PCTP: variants seen among roughly 807,000 people sequenced by gnomAD.
The protein encoded by PCTP is START domain-containing protein 2.
PCTP carries 27 observed loss-of-function variants against 31.0 expected under a neutral mutation model. The ratio of observed to expected loss-of-function variants is 0.87; its 90% CI spans 0.64 to 1.20. PCTP has a LOEUF of 1.20. Ranked by LOEUF, PCTP falls within the 50% of genes most tolerant of loss-of-function variation. PCTP has a pLI of 0.00. For missense variants in PCTP, 287 were observed against 268.2 expected (o/e 1.07, Z -0.49); for synonymous variants, 108 against 101.2 (o/e 1.07, Z -0.40).
exon 4 of PCTP, chr17:55,822,824 C>G (rs1905279769): frequency 2.4e-6 from 3 of 1,230,802 alleles, no homozygotes; most frequent in Non-Finnish European, 3.0e-6. Context: ...TTTGGCAAAC[C>G]CAAACATTCT....
intron 5 of PCTP, among the ~76,000 whole-genome samples, chr17:55,834,723 G>A (rs1905721063): frequency 1.3e-5 from 2 of 152,110 alleles, no homozygotes; most frequent in Non-Finnish European, 2.9e-5. Context: ...TCTTGGATAA[G>A]AAAGTAATTA....
At chr17:55,815,460 G>A (rs1912886269) in intron 3 of PCTP, among the ~76,000 whole-genome samples, 2 of 152,194 alleles carry the variant, frequency 1.3e-5, no homozygotes, top group East Asian at 1.9e-4. Flanking sequence ...GCACACCTGA[G>A]CTGTTTGTGC....
downstream of PCTP, among the ~76,000 whole-genome samples, chr17:55,845,887 G>GGTGTGTGTGTGCGTGTGT (rs1906133918): frequency 7.0e-6 from 1 of 142,962 alleles, no homozygotes; most frequent in African/African-American, 2.6e-5. Flanking sequence ...AGAGGGTTGG[G>GGTGTGTGTGTGCGTGTGT]GTGTGTGTGT....
intron 3 of PCTP, among the ~76,000 whole-genome samples, chr17:55,817,891 A>C (rs1428059747): frequency 6.6e-6 from 1 of 152,232 alleles, no homozygotes; most frequent in African/African-American, 2.4e-5. Flanking sequence ...ACTATGAGCC[A>C]GGAACTCTCC....
At chr17:55,757,732 C>T (rs772183969) in intron 1 of PCTP, among the ~76,000 whole-genome samples, 1 of 152,024 alleles carries the variant, frequency 6.6e-6, no homozygotes, top group Non-Finnish European at 1.5e-5. Context: ...GCTACTGGTC[C>T]GGGAATCACA....
At chr17:55,802,173 T>C (rs114548960) in intron 3 of PCTP, among the ~76,000 whole-genome samples, 4,094 of 152,222 alleles carry the variant, frequency 0.027, 185 homozygotes, top group African/African-American at 0.094. Context: ...CAGGAAAATG[T>C]TAAATCCCTG....
the PCTP span, among the ~76,000 whole-genome samples, chr17:55,851,386 T>A: frequency 2.0e-5 from 3 of 152,318 alleles, no homozygotes; most frequent in Admixed American, 1.3e-4. Flanking sequence ...TGAAATGGAC[T>A]ATGGAGGTTG....
At chr17:55,786,567 G>C (rs905026339) in intron 2 of PCTP, among the ~76,000 whole-genome samples, 1 of 151,832 alleles carries the variant, frequency 6.6e-6, no homozygotes, top group Non-Finnish European at 1.5e-5. Context: ...TTCATCTATT[G>C]ACCTCAGATT....
At chr17:55,840,850 G>T (rs542074708) in intron 5 of PCTP, among the ~76,000 whole-genome samples, 1 of 152,302 alleles carries the variant, frequency 6.6e-6, no homozygotes, top group African/African-American at 2.4e-5. Context: ...ATACATTGGA[G>T]CATTTTAGAT....
chr17:55,845,780 A>C (rs781465563), downstream of PCTP, among the ~76,000 whole-genome samples: 1 of 151,452 alleles, frequency 6.6e-6, no homozygotes, highest in Non-Finnish European at 1.5e-5. Context: ...CTGGCTCCGC[A>C]CCAGCCCAGC....
At chr17:55,762,813 C>G (rs1405251934) in intron 1 of PCTP, among the ~76,000 whole-genome samples, 1 of 151,816 alleles carries the variant, frequency 6.6e-6, no homozygotes, top group Non-Finnish European at 1.5e-5. Context: ...CAGAGGAGAC[C>G]AGGGAAGTTA....
At chr17:55,818,722 G>A (rs1913010713) in intron 3 of PCTP, among the ~76,000 whole-genome samples, 2 of 152,152 alleles carry the variant, frequency 1.3e-5, no homozygotes, top group African/African-American at 2.4e-5. Context: ...AGCTGCCAAA[G>A]CAGTGTAGGA....
chr17:55,837,875 C>A (rs559235305), intron 5 of PCTP, among the ~76,000 whole-genome samples: 2 of 152,262 alleles, frequency 1.3e-5, no homozygotes, highest in Non-Finnish European at 2.9e-5. Flanking sequence ...GTGGCTCACA[C>A]CTTTAATCCC....
chr17:55,847,152 C>G (rs1906168832), downstream of PCTP, among the ~76,000 whole-genome samples: 1 of 152,192 alleles, frequency 6.6e-6, no homozygotes, highest in Non-Finnish European at 1.5e-5. Context: ...AAGAACAAAC[C>G]TAACATCTTA....
At chr17:55,827,897 T>G (rs1179029463), downstream of PCTP, among the ~76,000 whole-genome samples, 2 of 152,198 alleles carry the variant, frequency 1.3e-5, no homozygotes, top group Admixed American at 6.5e-5. Flanking sequence ...AGAAGCTTAT[T>G]AGGATGCAGG....
chr17:55,792,956 A>G (rs1340207320), intron 3 of PCTP, among the ~76,000 whole-genome samples: 1 of 152,066 alleles, frequency 6.6e-6, no homozygotes, highest in Non-Finnish European at 1.5e-5. Flanking sequence ...AACAAATCAT[A>G]GTTCCCCAAC....
chr17:55,754,793 G>A (rs1381793974), intron 1 of PCTP, among the ~76,000 whole-genome samples: 1 of 152,120 alleles, frequency 6.6e-6, no homozygotes, highest in East Asian at 1.9e-4. Flanking sequence ...ACTGTAACGA[G>A]GGCTATGAGA....
chr17:55,818,077 AC>A (rs1912987717), intron 3 of PCTP, among the ~76,000 whole-genome samples: 1 of 152,206 alleles, frequency 6.6e-6, no homozygotes, highest in East Asian at 1.9e-4. Flanking sequence ...GGTCAGAAAG[AC>A]TTTTCATGAG....
downstream of PCTP, among the ~76,000 whole-genome samples, chr17:55,845,420 C>T (rs1288217456): frequency 1.3e-5 from 2 of 152,192 alleles, no homozygotes; most frequent in Admixed American, 6.5e-5. Context: ...ATCCCCGTTC[C>T]CCGCGGGCTC....
Sources: gnomAD v4.1 joint callset for allele counts (sites outside exome capture counted in the v4.1 genomes callset) on GRCh38, gnomAD v4.1.1 for gene constraint, MANE v1.5 for transcripts, NCBI Gene and HGNC (gene_info 2026-07-23, HGNC 2026-07-21) for gene names.